KDM6A: variants seen among roughly 807,000 people sequenced by gnomAD.
KDM6A encodes lysine-specific demethylase 6A.
Under a neutral mutation model 117.6 loss-of-function variants are expected in KDM6A, and 11 were observed. That is an observed-to-expected ratio of 0.09 (90% CI 0.06 to 0.15). The LOEUF is 0.15. KDM6A is among the 10% of genes least tolerant of loss of function. The probability of loss-of-function intolerance (pLI) is 1.00; values close to 1 mark genes in which losing one functional copy is unlikely to be tolerated. For synonymous variants in KDM6A, 384 were observed against 396.1 expected (o/e 0.97, Z 0.36); for missense variants, 799 against 1,077.3 (o/e 0.74, Z 3.62).
At chrX:44,976,241 TA>T (rs1249145510) in intron 4 of KDM6A, among the ~76,000 whole-genome samples, 1 of 111,809 alleles carries the variant, frequency 8.9e-6, no homozygotes, top group Non-Finnish European at 1.9e-5. Flanking sequence ...TGCCTTTATA[TA>T]TTTGTCTTTT....
Position 45,069,679 on chromosome X carries a change from G to A in KDM6A, c.2180G>A (p.Gly727Asp), listed in dbSNP as rs759576784. The A allele has an allele frequency of 6.3e-5, 76 of 1,208,097 alleles. No individual in the cohort carries two copies. Among genetic ancestry groups the A allele is most frequent in the Non-Finnish European group, 7.8e-5 (70 of 894,258 alleles). Residue 727 changes from glycine (G) to aspartate (D), a missense_variant, in exon 18 of 30, where the codon GGT (glycine) becomes GAT (aspartate). Physicochemically the swap from Gly to Asp is moderately conservative, Grantham distance 94 (BLOSUM62 -1). Around this residue, in one of 8 missense-constraint regions of KDM6A, gnomAD observed 301 missense variants for 318.3 expected, o/e 0.95. Transcript: ENST00000611820. ...PSQHLQAAGSGIQNQNGHPTL... is the reference protein window; with the variant it reads ...PSQHLQAAGSDIQNQNGHPTL... ...CAGCATCTCCAGGCAGCTGGCTCTG[G>A]TATTCAGAATCAGAACGGACATCCC...
intron 2 of KDM6A, among the ~76,000 whole-genome samples, chrX:44,951,580 T>A: frequency 9.1e-6 from 1 of 110,026 alleles, no homozygotes; most frequent in East Asian, 2.8e-4. Flanking sequence ...TTATAATGAT[T>A]TAAAATAAAG....
At chrX:44,915,113 A>G (rs1010639391) in intron 2 of KDM6A, among the ~76,000 whole-genome samples, 1 of 111,758 alleles carries the variant, frequency 8.9e-6, no homozygotes, top group Non-Finnish European at 1.9e-5. Flanking sequence ...TTTTCTTGCC[A>G]TTAGTCATCT....
intron 3 of KDM6A, among the ~76,000 whole-genome samples, chrX:44,971,685 A>C (rs940926327): frequency 9.0e-6 from 1 of 111,145 alleles, no homozygotes; most frequent in African/African-American, 3.3e-5. Flanking sequence ...TGAGGGGTTT[A>C]TATGGGGGAG....
chrX:45,043,582 G>T (rs1012636996), intron 8 of KDM6A, among the ~76,000 whole-genome samples: 2 of 111,094 alleles, frequency 1.8e-5, no homozygotes, highest in Non-Finnish European at 3.8e-5. Context: ...TTCAAGACTA[G>T]CCTGGGGAAC....
intron 5 of KDM6A, among the ~76,000 whole-genome samples, chrX:45,018,441 C>G (rs1419581336): frequency 2.7e-5 from 3 of 111,221 alleles, no homozygotes; most frequent in Admixed American, 1.9e-4. Context: ...GTTTTTTTAA[C>G]CTCAGTTTGT....
intron 16 of KDM6A, among the ~76,000 whole-genome samples, 173 bp from the exon 17 acceptor site, chrX:45,063,249 G>C (rs2044380926): frequency 9.1e-6 from 1 of 109,690 alleles, no homozygotes; most frequent in African/African-American, 3.3e-5. Flanking sequence ...ACAATTTCTT[G>C]TTTTTAAAGT....
At chrX:45,075,669 T>G (rs902375358) in intron 18 of KDM6A, among the ~76,000 whole-genome samples, 3 of 110,375 alleles carry the variant, frequency 2.7e-5, no homozygotes, top group Non-Finnish European at 5.7e-5. Context: ...TAGTTTTCAT[T>G]AGTATCAACC....
intron 4 of KDM6A, among the ~76,000 whole-genome samples, chrX:44,986,776 G>T (rs1307442939): frequency 2.7e-5 from 3 of 111,799 alleles, no homozygotes; most frequent in Non-Finnish European, 5.6e-5. Flanking sequence ...GTCTGAGAGA[G>T]AGTTTGTTAT....
chrX:44,898,478 C>T (rs1300104390), intron 2 of KDM6A, among the ~76,000 whole-genome samples: 1 of 111,224 alleles, frequency 9.0e-6, no homozygotes, highest in African/African-American at 3.3e-5. Context: ...GGTAGGGGTG[C>T]AGGTTCAGGT....
At chrX:44,923,238 T>C (rs1257321574) in intron 2 of KDM6A, among the ~76,000 whole-genome samples, 1 of 111,311 alleles carries the variant, frequency 9.0e-6, no homozygotes, top group Non-Finnish European at 1.9e-5. Context: ...TTTTGATGTT[T>C]ATTGTGCTTG....
chrX:45,071,975 A>G (rs905186283), intron 18 of KDM6A, among the ~76,000 whole-genome samples: 3 of 111,010 alleles, frequency 2.7e-5, no homozygotes, highest in African/African-American at 6.6e-5. Flanking sequence ...GGGTTTCTCC[A>G]TGTTGGTCAG....
chrX:45,017,206 G>T (rs897161990), intron 5 of KDM6A, among the ~76,000 whole-genome samples: 1 of 111,796 alleles, frequency 8.9e-6, no homozygotes, highest in Non-Finnish European at 1.9e-5. Context: ...ACCTTTCCAG[G>T]GAATTGTATC....
intron 2 of KDM6A, among the ~76,000 whole-genome samples, chrX:44,943,226 A>G (rs1331827430): frequency 1.8e-5 from 2 of 111,635 alleles, no homozygotes; most frequent in African/African-American, 6.5e-5. Context: ...ACAGTGAGTC[A>G]CACAATTTTT....
chrX:45,022,491 T>G (rs1192654264), intron 6 of KDM6A, among the ~76,000 whole-genome samples: 1 of 111,936 alleles, frequency 8.9e-6, no homozygotes, highest in Non-Finnish European at 1.9e-5. Context: ...ATCCTGACTT[T>G]GGCTTTTTCA....
intron 2 of KDM6A, among the ~76,000 whole-genome samples, chrX:44,926,726 A>G (rs775872931): frequency 4.0e-4 from 45 of 111,792 alleles, no homozygotes; most frequent in African/African-American, 1.3e-3. Context: ...GTTTAGAGAC[A>G]TTTGATAAAT....
intron 2 of KDM6A, among the ~76,000 whole-genome samples, chrX:44,901,531 T>C (rs917462947): frequency 4.5e-5 from 5 of 111,287 alleles, no homozygotes; most frequent in African/African-American, 1.6e-4. Flanking sequence ...TTCTATTTTC[T>C]TGTGATCTGC....
intron 2 of KDM6A, among the ~76,000 whole-genome samples, chrX:44,941,865 C>T (rs1187366130): frequency 9.0e-6 from 1 of 110,555 alleles, no homozygotes. Context: ...CCATTTCTTA[C>T]TGCATCACTG....
chrX:45,070,418 T>C (rs2044767523), intron 18 of KDM6A, 61 bp downstream of exon 18: 4 of 1,057,114 alleles, frequency 3.8e-6, no homozygotes, highest in Non-Finnish European at 5.2e-6. Flanking sequence ...ATCAGAATGC[T>C]GAAATTTGGA....
Sources: gnomAD v4.1 joint callset for allele counts (sites outside exome capture counted in the v4.1 genomes callset) on GRCh38, gnomAD v4.1.1 for gene constraint, gnomAD v4.1.1 regional missense constraint, MANE v1.5 for transcripts, NCBI Gene and HGNC (gene_info 2026-07-23, HGNC 2026-07-21) for gene names.